ATRNL1: variants seen among roughly 807,000 people sequenced by gnomAD.
ATRNL1 encodes the protein attractin like 1.
Under a neutral mutation model 182.7 loss-of-function variants are expected in ATRNL1, and 95 were observed. The ratio of observed to expected loss-of-function variants is 0.52; its 90% CI spans 0.44 to 0.62. The LOEUF is 0.62. Ranked by LOEUF, ATRNL1 falls within the 20% of genes least tolerant of loss-of-function variation. ATRNL1 has a pLI of 0.00. For synonymous variants in ATRNL1, 576 were observed against 568.3 expected, an observed-to-expected ratio of 1.01 and a Z score of -0.19; for missense variants, 1,471 against 1,679.5, an observed-to-expected ratio of 0.88 and a Z score of 2.17.
intron 21 of ATRNL1, among the ~76,000 whole-genome samples, chr10:115,433,760 G>A (rs1846271334): frequency 1.3e-5 from 2 of 152,144 alleles, no homozygotes; most frequent in South Asian, 2.1e-4. Flanking sequence ...TTAAGTTAAT[G>A]TAGAAGAAGG....
At chr10:115,899,711 G>A (rs553613128) in intron 28 of ATRNL1, among the ~76,000 whole-genome samples, 1 of 152,276 alleles carries the variant, frequency 6.6e-6, no homozygotes, top group East Asian at 1.9e-4. Context: ...TGGTAATAGT[G>A]ATTGTCTTGA....
intron 8 of ATRNL1, among the ~76,000 whole-genome samples, chr10:115,178,685 T>C (rs1355670980): frequency 6.6e-6 from 1 of 152,110 alleles, no homozygotes; most frequent in African/African-American, 2.4e-5. Context: ...CAAAAAGTGC[T>C]GGAGGGAGCT....
intron 11 of ATRNL1, among the ~76,000 whole-genome samples, chr10:115,266,386 T>A (rs1851609449): frequency 1.3e-5 from 2 of 151,730 alleles, no homozygotes; most frequent in Admixed American, 1.3e-4. Context: ...TTCTAAAGTG[T>A]GTCTTGTCCA....
chr10:115,888,470 T>TC (rs1176139089), intron 28 of ATRNL1, among the ~76,000 whole-genome samples: 11 of 152,174 alleles, frequency 7.2e-5, no homozygotes, highest in African/African-American at 2.4e-4. Flanking sequence ...GCTCTCTTCA[T>TC]GAGTGGTTCT....
chr10:115,376,303 T>C (rs1234001758), intron 19 of ATRNL1, among the ~76,000 whole-genome samples: 2 of 152,148 alleles, frequency 1.3e-5, no homozygotes, highest in African/African-American at 4.8e-5. Flanking sequence ...TATTTATTTA[T>C]TTTTGAGACA....
At chr10:115,173,517 C>T (rs1247969849) in intron 8 of ATRNL1, among the ~76,000 whole-genome samples, 1 of 151,694 alleles carries the variant, frequency 6.6e-6, no homozygotes, top group East Asian at 1.9e-4. Flanking sequence ...CCTTCTGTTA[C>T]TGACTTAGTA....
intron 5 of ATRNL1, among the ~76,000 whole-genome samples, chr10:115,149,976 T>G (rs1451462125): frequency 2.6e-5 from 4 of 151,942 alleles, no homozygotes. Flanking sequence ...GTCCTGGACT[T>G]TCCTTTGTTG....
intron 8 of ATRNL1, among the ~76,000 whole-genome samples, chr10:115,203,330 CT>C (rs1471445059): frequency 2.0e-5 from 3 of 152,124 alleles, no homozygotes; most frequent in African/African-American, 4.8e-5. Flanking sequence ...TGAAGGGAAT[CT>C]TTTGAAGACA....
chr10:115,682,219 T>TC (rs1555044946), intron 26 of ATRNL1, among the ~76,000 whole-genome samples: 2 of 151,938 alleles, frequency 1.3e-5, no homozygotes, highest in Admixed American at 1.3e-4. Context: ...TCCTGTGCCT[T>TC]TGTTTCCTAA....
chr10:115,373,255 T>A (rs1554948580), intron 19 of ATRNL1, among the ~76,000 whole-genome samples: 1 of 152,118 alleles, frequency 6.6e-6, no homozygotes, highest in Non-Finnish European at 1.5e-5. Context: ...TTATTTCTAA[T>A]GGGTTTTTGG....
At position 115,111,342 on chromosome 10, in the gene ATRNL1, C is replaced by T. The variant is rs931385527; in HGVS notation, c.294-8843C>T. 2.6e-5 allele frequency among the ~76,000 whole-genome samples: 4 copies of T among 152,268 alleles called. No individual in the cohort carries two copies. In the East Asian group the frequency reaches 7.7e-4, roughly 29 times the overall value. On this transcript the variant is annotated intron_variant, in intron 1 of 28. Coordinates refer to ENST00000355044, the MANE Select transcript of ATRNL1 (RefSeq NM_207303.4). ...GCTCAGAATCAGCTGATGTTGTAGT[C>T]CATTTGTATTGCTACGAAGGAATAC... is the stretch of plus-strand genomic sequence containing the variant.
intron 27 of ATRNL1, among the ~76,000 whole-genome samples, chr10:115,796,227 C>T (rs368227158): frequency 4.0e-5 from 6 of 151,884 alleles, no homozygotes; most frequent in African/African-American, 1.2e-4. Context: ...CTGCCATATG[C>T]GGTTGCCTTT....
At chr10:115,781,396 T>C (rs1949262385) in intron 27 of ATRNL1, among the ~76,000 whole-genome samples, 1 of 152,188 alleles carries the variant, frequency 6.6e-6, no homozygotes, top group Non-Finnish European at 1.5e-5. Context: ...AAAAAACATG[T>C]ACAAGATGAT....
At chr10:115,485,674 ATAAAT>A (rs1370492634) in intron 24 of ATRNL1, among the ~76,000 whole-genome samples, 3 of 152,018 alleles carry the variant, frequency 2.0e-5, no homozygotes, top group Non-Finnish European at 4.4e-5. Context: ...TTTTAAGTTT[ATAAAT>A]TATTTTATTG....
At chr10:115,234,752 G>A (rs546525912) in intron 9 of ATRNL1, among the ~76,000 whole-genome samples, 1 of 151,688 alleles carries the variant, frequency 6.6e-6, no homozygotes, top group Non-Finnish European at 1.5e-5. Context: ...CAGCAGGGCC[G>A]ACTAATTTTT....
intron 25 of ATRNL1, among the ~76,000 whole-genome samples, chr10:115,529,824 G>A (rs1395334579): frequency 1.3e-5 from 2 of 152,044 alleles, no homozygotes; most frequent in Admixed American, 1.3e-4. Context: ...AACCATTATT[G>A]CAATCAATTT....
chr10:115,603,172 C>T (rs57290159), intron 26 of ATRNL1, among the ~76,000 whole-genome samples: 3 of 152,112 alleles, frequency 2.0e-5, no homozygotes, highest in Non-Finnish European at 2.9e-5. Flanking sequence ...TGAATTAACT[C>T]AATCTCCAGC....
chr10:115,847,230 G>A (rs1341457613), intron 27 of ATRNL1, among the ~76,000 whole-genome samples: 2 of 152,000 alleles, frequency 1.3e-5, no homozygotes, highest in African/African-American at 4.8e-5. Context: ...AGGATATGAG[G>A]AGATGTAGGT....
intron 24 of ATRNL1, among the ~76,000 whole-genome samples, chr10:115,474,585 A>G (rs1554972738): frequency 6.6e-6 from 1 of 151,004 alleles, no homozygotes; most frequent in Non-Finnish European, 1.5e-5. Flanking sequence ...TGGAAGGGAG[A>G]TATAGAGGTT....
Sources: gnomAD v4.1 joint callset for allele counts (sites outside exome capture counted in the v4.1 genomes callset) on GRCh38, gnomAD v4.1.1 for gene constraint, MANE v1.5 for transcripts, NCBI Gene and HGNC (gene_info 2026-07-23, HGNC 2026-07-21) for gene names.